Variants in IQGAP2 observed in about 807,000 individuals in gnomAD.
IQGAP2 encodes the protein IQ motif containing GTPase activating protein 2, also known as ras GTPase-activating-like protein IQGAP2.
Under a neutral mutation model 201.3 loss-of-function variants are expected in IQGAP2, and 173 were observed. That is an observed-to-expected ratio of 0.86 (90% CI 0.76 to 0.98). IQGAP2 has a LOEUF of 0.98. Ranked by LOEUF, IQGAP2 falls within the 50% of genes least tolerant of loss-of-function variation. The probability of loss-of-function intolerance (pLI) is 0.00; values close to 1 mark genes in which losing one functional copy is unlikely to be tolerated. For synonymous variants in IQGAP2, 675 were observed against 673.9 expected, an observed-to-expected ratio of 1.00 and a Z score of -0.03; for missense variants, 1,687 against 1,864.8, an observed-to-expected ratio of 0.90 and a Z score of 1.76.
chr5:76,578,977 C>T (rs1745655194), intron 5 of IQGAP2, among the ~76,000 whole-genome samples: 1 of 151,798 alleles, frequency 6.6e-6, no homozygotes, highest in African/African-American at 2.4e-5. Flanking sequence ...TGTTTAGTGC[C>T]CACCTTATTA....
intron 12 of IQGAP2, among the ~76,000 whole-genome samples, chr5:76,608,581 A>G (rs1444193635): frequency 6.6e-6 from 1 of 152,196 alleles, no homozygotes; most frequent in East Asian, 1.9e-4. Flanking sequence ...TCCCCACCTT[A>G]TTCTTGCCAC....
chr5:76,610,072 C>CTCTCTCTCTCTA (rs1748172245), intron 12 of IQGAP2, among the ~76,000 whole-genome samples: 1 of 4,176 alleles, frequency 2.4e-4, no homozygotes. Flanking sequence ...CTCTCTCTCT[C>CTCTCTCTCTCTA]TCTCTATATA....
In IQGAP2 at chr5:76,611,360, GA is replaced by G. The variant is rs535807954; in HGVS notation, c.1521+180del. Among the ~76,000 whole-genome samples, 339 of 152,278 alleles carry G rather than the reference GA, an allele frequency of 2.2e-3. 1 individual carries two copies. Among genetic ancestry groups the G allele is most frequent in the African/African-American group, 7.9e-3 (329 of 41,544 alleles). On this transcript the variant is annotated intron_variant, in intron 13 of 35. Coordinates refer to ENST00000274364, the MANE Select transcript of IQGAP2 (RefSeq NM_006633.5). ...TTTTCCTGGTAACAAACATTGGGGG[GA>G]AACCAGCTCCAGAGCTATTTATTGC...
rs573086041 is a variant in IQGAP2, at chr5:76,446,710, T to G, written c.47-14860T>G. 3.9e-5 allele frequency among the ~76,000 whole-genome samples: 6 copies of G among 152,352 alleles called. No homozygotes were observed. In the South Asian group the frequency reaches 1.2e-3, roughly 32 times the overall value. ...TAGAACCAAATGGCTTTTTGGTTTA[T>G]GTACTGCAGTGTGTAAAAAATGGGT... On this transcript the variant is annotated intron_variant, in intron 1 of 35. Coordinates refer to ENST00000274364, the MANE Select transcript of IQGAP2 (RefSeq NM_006633.5).
intron 1 of IQGAP2, among the ~76,000 whole-genome samples, chr5:76,418,930 G>A (rs1751565453): frequency 1.3e-5 from 2 of 152,088 alleles, no homozygotes; most frequent in Non-Finnish European, 2.9e-5. Flanking sequence ...ACACGTCCTT[G>A]ACTATTATCC....
At chr5:76,549,734 G>A (rs938431609) in intron 2 of IQGAP2, among the ~76,000 whole-genome samples, 1 of 152,018 alleles carries the variant, frequency 6.6e-6, no homozygotes, top group Non-Finnish European at 1.5e-5. Context: ...CCCTCTATGA[G>A]CGTTCAGCCC....
rs766768960 is a variant in IQGAP2 at position 76,665,101 on chromosome 5, C to G, written c.2605C>G (p.Gln869Glu). The G allele has an allele frequency of 6.2e-7, 1 of 1,608,456 alleles. No individual in the cohort carries two copies. ...EMEILNNTDN[Q>E]GIKSLSKERR... is the part of the protein sequence containing the mutation. ...GGAAATACTGAATAACACCGACAAC[C>G]AAGGAATAAAAAGTTTGAGTAAGGA... The change falls in exon 22 of 36, where the codon CAA (glutamine) becomes GAA (glutamate). Residue 869 changes from glutamine to glutamate, a missense_variant. Physicochemically the swap from Gln to Glu is conservative, Grantham distance 29. Transcript: ENST00000274364.
chr5:76,696,065 T>G (rs1746713734), intron 32 of IQGAP2, among the ~76,000 whole-genome samples: 1 of 152,006 alleles, frequency 6.6e-6, no homozygotes, highest in African/African-American at 2.4e-5. Flanking sequence ...GGTCTCGAAA[T>G]CCTGACCCGG....
At chr5:76,676,788 G>A (rs1259891820) in intron 27 of IQGAP2, among the ~76,000 whole-genome samples, 2 of 152,184 alleles carry the variant, frequency 1.3e-5, no homozygotes, top group African/African-American at 4.8e-5. Flanking sequence ...GGGTGATGTA[G>A]GCCCAGGAGC....
At chr5:76,608,943 G>A (rs1748032852) in intron 12 of IQGAP2, 11 of 645,126 alleles carry the variant, frequency 1.7e-5, no homozygotes, top group Non-Finnish European at 5.2e-6. Flanking sequence ...ATGTGTTGAT[G>A]TAAAGAAGTG....
intron 1 of IQGAP2, among the ~76,000 whole-genome samples, chr5:76,459,318 C>T (rs1278655267): frequency 6.6e-6 from 1 of 151,956 alleles, no homozygotes; most frequent in Non-Finnish European, 1.5e-5. Flanking sequence ...CGGAAGGGTG[C>T]AGCAGCATAG....
chr5:76,483,055 T>G (rs1219081587), intron 2 of IQGAP2, among the ~76,000 whole-genome samples: 1 of 152,192 alleles, frequency 6.6e-6, no homozygotes, highest in African/African-American at 2.4e-5. Context: ...CCTCTTAAGC[T>G]CCATTGTTTA....
intron 2 of IQGAP2, among the ~76,000 whole-genome samples, chr5:76,489,375 A>T (rs747468046): frequency 6.6e-6 from 1 of 152,154 alleles, no homozygotes; most frequent in African/African-American, 2.4e-5. Flanking sequence ...TTAGGAAAAT[A>T]TCTTTTTCCA....
intron 28 of IQGAP2, among the ~76,000 whole-genome samples, chr5:76,677,941 T>C (rs527299025): frequency 6.6e-6 from 1 of 151,858 alleles, no homozygotes; most frequent in Non-Finnish European, 1.5e-5. Context: ...AAAAAATAAA[T>C]AAATAAATAA....
chr5:76,620,386 G>C (rs1749527577), intron 13 of IQGAP2, among the ~76,000 whole-genome samples: 1 of 152,106 alleles, frequency 6.6e-6, no homozygotes, highest in African/African-American at 2.4e-5. Context: ...GCTTTGGGGT[G>C]CAGTGAGGGA....
intron 13 of IQGAP2, chr5:76,615,658 A>G (rs1253153705): frequency 6.6e-6 from 1 of 152,064 alleles, no homozygotes; most frequent in Non-Finnish European, 1.5e-5. Context: ...CCTGCTGTCT[A>G]ATCACTAATA....
intron 2 of IQGAP2, among the ~76,000 whole-genome samples, chr5:76,501,082 G>A (rs766851655): frequency 2.7e-5 from 4 of 150,940 alleles, no homozygotes; most frequent in Non-Finnish European, 5.9e-5. Flanking sequence ...TGATGATGAC[G>A]TTATGGGAAC....
At chr5:76,452,711 T>G (rs1004948372) in intron 1 of IQGAP2, among the ~76,000 whole-genome samples, 1 of 152,180 alleles carries the variant, frequency 6.6e-6, no homozygotes, top group Non-Finnish European at 1.5e-5. Flanking sequence ...GCTGATGTCA[T>G]CAAGCATTTA....
At chr5:76,650,916 T>C (rs1476518914) in intron 17 of IQGAP2, among the ~76,000 whole-genome samples, 1 of 152,174 alleles carries the variant, frequency 6.6e-6, no homozygotes, top group African/African-American at 2.4e-5. Flanking sequence ...AAAATACTTA[T>C]ATATGGGGCT....
Sources: gnomAD v4.1 joint callset for allele counts (sites outside exome capture counted in the v4.1 genomes callset) on GRCh38, gnomAD v4.1.1 for gene constraint, MANE v1.5 for transcripts, NCBI Gene and HGNC (gene_info 2026-07-23, HGNC 2026-07-21) for gene names.